The following FILIP1L variants were observed in gnomAD, a reference collection of about 807,000 sequenced individuals.
FILIP1L encodes filamin A-interacting protein 1-like.
In FILIP1L, 55 loss-of-function variants were observed where a neutral mutation model predicts 96.6. The ratio of observed to expected loss-of-function variants is 0.57; its 90% confidence interval spans 0.46 to 0.71. FILIP1L has a LOEUF of 0.71. FILIP1L is among the 30% of genes least tolerant of loss of function. The pLI is 0.00. For synonymous variants in FILIP1L, 467 were observed against 473.9 expected, an observed-to-expected ratio of 0.99 and a Z score of 0.19; for missense variants, 1,304 against 1,321.2, an observed-to-expected ratio of 0.99 and a Z score of 0.20.
At chr3:100,059,708 A>C (rs2065527461) in intron 1 of FILIP1L, among the ~76,000 whole-genome samples, 1 of 152,224 alleles carries the variant, frequency 6.6e-6, no homozygotes, top group South Asian at 2.1e-4. Context: ...CAGTCATTAC[A>C]CAACTCCAGC....
At chr3:100,079,537 CA>C in intron 1 of FILIP1L, among the ~76,000 whole-genome samples, 1 of 152,076 alleles carries the variant, frequency 6.6e-6, no homozygotes. Context: ...ATCATGTCAG[CA>C]AAAAAGTAGA....
intron 1 of FILIP1L, among the ~76,000 whole-genome samples, chr3:100,088,454 ATTT>A (rs1397881466): frequency 1.3e-5 from 2 of 152,226 alleles, no homozygotes; most frequent in Non-Finnish European, 2.9e-5. Context: ...TAAATTATTC[ATTT>A]TCTGATTGAA....
intron 1 of FILIP1L, among the ~76,000 whole-genome samples, chr3:100,083,192 A>G (rs1284224543): frequency 6.6e-6 from 1 of 152,240 alleles, no homozygotes. Context: ...GATATTCAAC[A>G]TAAGACTCTC....
chr3:99,981,057 G>A (rs146738001), intron 1 of FILIP1L, among the ~76,000 whole-genome samples: 7 of 152,270 alleles, frequency 4.6e-5, no homozygotes, highest in African/African-American at 1.7e-4. Context: ...TGAGGGAAGA[G>A]GCAAAGGTTT....
intron 4 of FILIP1L, among the ~76,000 whole-genome samples, chr3:99,886,020 T>C (rs1002057192): frequency 1.3e-5 from 2 of 152,236 alleles, no homozygotes; most frequent in African/African-American, 4.8e-5. Flanking sequence ...TTGTTCACTG[T>C]AAAGGAATTG....
chr3:99,915,810 T>G (rs1706932322), intron 4 of FILIP1L, among the ~76,000 whole-genome samples: 1 of 152,178 alleles, frequency 6.6e-6, no homozygotes, highest in Admixed American at 6.5e-5. Flanking sequence ...CAACTTTGCA[T>G]TGCACTTATT....
chr3:99,849,358 C>T lies in FILIP1L; in HGVS notation c.2318G>A (p.Arg773Lys). The change falls in exon 5 of 6, where the codon AGG becomes AAG. Residue 773 changes from arginine to lysine, a missense_variant. Transcript: ENST00000477258. ...GAGGCTCTTACTGAAATGCCGGTACCTCTCTAACTCCTTAGTGAGGTTTTC... is the reference window on the plus strand; with the variant it reads ...GAGGCTCTTACTGAAATGCCGGTACTTCTCTAACTCCTTAGTGAGGTTTTC... The part of the protein sequence containing the change: ...EIENLTKELE[R>K]YRHFSKSLRP... The T allele has an allele frequency of 6.2e-7, 1 of 1,614,122 alleles. No individual in the cohort carries two copies. The highest frequency in any genetic ancestry group is 8.5e-7 in the Non-Finnish European group (1 of 1,180,016).
At chr3:99,957,707 T>C (rs1408741303) in intron 1 of FILIP1L, among the ~76,000 whole-genome samples, 1 of 126,148 alleles carries the variant, frequency 7.9e-6, no homozygotes, top group Non-Finnish European at 1.6e-5. Flanking sequence ...TTTTTTTTTT[T>C]TTTTTTTTTT....
chr3:100,040,972 A>T (rs9820656), intron 1 of FILIP1L: 1 of 152,184 alleles, frequency 6.6e-6, no homozygotes, highest in East Asian at 1.9e-4. Context: ...GTATTCCACT[A>T]TGAATTTTGC....
intron 1 of FILIP1L, among the ~76,000 whole-genome samples, chr3:100,022,889 C>T (rs2064851469): frequency 6.6e-6 from 1 of 152,152 alleles, no homozygotes; most frequent in Non-Finnish European, 1.5e-5. Flanking sequence ...CACCTCTGAG[C>T]CATGCTTTTT....
At chr3:99,939,180 G>A (rs1162185135) in intron 1 of FILIP1L, among the ~76,000 whole-genome samples, 1 of 152,190 alleles carries the variant, frequency 6.6e-6, no homozygotes, top group Non-Finnish European at 1.5e-5. Flanking sequence ...TGGTGCAGTA[G>A]TCTCTCATCC....
At chr3:99,907,828 G>T (rs754748027) in intron 4 of FILIP1L, among the ~76,000 whole-genome samples, 4 of 152,130 alleles carry the variant, frequency 2.6e-5, no homozygotes, top group Non-Finnish European at 5.9e-5. Flanking sequence ...AGCCATTCCT[G>T]ATCCCCTAAT....
At chr3:100,061,451 G>C (rs1318015826) in intron 1 of FILIP1L, among the ~76,000 whole-genome samples, 5 of 152,092 alleles carry the variant, frequency 3.3e-5, no homozygotes, top group African/African-American at 1.2e-4. Context: ...ATTTTCCCAG[G>C]CCCTTGTTTT....
At chr3:99,866,171 GT>G (rs547796498) in intron 4 of FILIP1L, among the ~76,000 whole-genome samples, 157 of 143,976 alleles carry the variant, frequency 1.1e-3, no homozygotes, top group Non-Finnish European at 1.8e-3. Flanking sequence ...TTAAGCCTGT[GT>G]TTTTTTTTTT....
At chr3:99,979,843 T>C (rs1287598423) in intron 1 of FILIP1L, among the ~76,000 whole-genome samples, 1 of 152,178 alleles carries the variant, frequency 6.6e-6, no homozygotes. Context: ...TGAGTTCACA[T>C]ATAGGTATAA....
intron 3 of FILIP1L, among the ~76,000 whole-genome samples, chr3:99,924,875 C>T (rs1293287282): frequency 6.6e-6 from 1 of 152,170 alleles, no homozygotes; most frequent in African/African-American, 2.4e-5. Flanking sequence ...TTAATTGATA[C>T]TTTTGGGTGC....
intron 1 of FILIP1L, among the ~76,000 whole-genome samples, chr3:100,084,981 T>C (rs986989787): frequency 3.1e-4 from 47 of 152,348 alleles, no homozygotes; most frequent in Non-Finnish European, 5.9e-4. Context: ...TGTCCATGTC[T>C]TTAGCTTCAG....
chr3:100,060,037 G>A (rs1041989366), intron 1 of FILIP1L, among the ~76,000 whole-genome samples: 8 of 151,474 alleles, frequency 5.3e-5, no homozygotes, highest in African/African-American at 1.9e-4. Context: ...GGAGGAGGAC[G>A]GTTGGGGAAA....
Position 99,853,631 on chromosome 3 carries a change from A to G in FILIP1L, c.606-2561T>C, listed in dbSNP as rs143969202. Among the ~76,000 whole-genome samples the G allele has an allele frequency of 2.6e-3, 402 of 152,374 alleles. 1 individual carries two copies. In the Middle Eastern group the frequency reaches 0.027, roughly 10 times the overall value. On this transcript the variant is annotated intron_variant, in intron 4 of 5. Coordinates refer to ENST00000477258, the MANE Select transcript of FILIP1L (RefSeq NM_001387850.1). ...TGGGGCATGTTGCGTATTTTTCAGC[A>G]TGATGCAAACATAAGCATCTTTTTC...
Sources: gnomAD v4.1 joint callset for allele counts (sites outside exome capture counted in the v4.1 genomes callset) on GRCh38, gnomAD v4.1.1 for gene constraint, MANE v1.5 for transcripts, NCBI Gene and HGNC (gene_info 2026-07-23, HGNC 2026-07-21) for gene names.